ANKRD62: variants seen among roughly 807,000 people sequenced by gnomAD.
ANKRD62 encodes ankyrin repeat domain-containing protein 62.
In ANKRD62, 61 loss-of-function variants were observed where a neutral mutation model predicts 98.8. The observed-to-expected ratio is 0.62, with a 90% CI of 0.50 to 0.76. The LOEUF is 0.76. Among genes scored for constraint, ANKRD62 ranks in the 30% least tolerant of loss-of-function variants. The pLI is 0.00. For synonymous variants in ANKRD62, 341 were observed against 367.9 expected (o/e 0.93, Z 0.84); for missense variants, 933 against 1,082.9 (o/e 0.86, Z 1.94).
chr18:12,155,374 A>G, the ANKRD62 span, among the ~76,000 whole-genome samples: 1 of 152,250 alleles, frequency 6.6e-6, no homozygotes, highest in Non-Finnish European at 1.5e-5. Flanking sequence ...AGGAGGCCAC[A>G]TCTTGGCTTT....
At chr18:12,099,567 A>T in intron 5 of ANKRD62, 48 bp from the exon 6 acceptor site, 1 of 1,190,400 alleles carries the variant, frequency 8.4e-7, no homozygotes, top group Non-Finnish European at 1.1e-6. Flanking sequence ...AAAGTTTTTC[A>T]TATCAGTATT....
At chr18:12,151,035 A>G in the ANKRD62 span, among the ~76,000 whole-genome samples, 237 of 152,352 alleles carry the variant, frequency 1.6e-3, 3 homozygotes, top group East Asian at 0.034. Flanking sequence ...GCTGTCTTCA[A>G]GAAACGTGTC....
At chr18:12,108,849 C>A (rs1178938499) in intron 8 of ANKRD62, among the ~76,000 whole-genome samples, 1 of 152,230 alleles carries the variant, frequency 6.6e-6, no homozygotes, top group African/African-American at 2.4e-5. Flanking sequence ...CTCTACTTGG[C>A]AGTCATTAAA....
the ANKRD62 span, among the ~76,000 whole-genome samples, chr18:12,154,038 T>A: frequency 6.6e-6 from 1 of 152,124 alleles, no homozygotes; most frequent in East Asian, 1.9e-4. Context: ...TCCCAGACAT[T>A]GGAATGGCCA....
chr18:12,106,055 G>T (rs577624617), intron 7 of ANKRD62, among the ~76,000 whole-genome samples: 1 of 152,280 alleles, frequency 6.6e-6, no homozygotes, highest in African/African-American at 2.4e-5. Flanking sequence ...AAAGGAATCT[G>T]TATGTTGTGC....
chr18:12,096,678 C>T (rs920829056), intron 4 of ANKRD62, among the ~76,000 whole-genome samples: 1 of 152,104 alleles, frequency 6.6e-6, no homozygotes, highest in Non-Finnish European at 1.5e-5. Flanking sequence ...TAGTTTCAAC[C>T]TCTGCTTCTT....
At chr18:12,160,964 G>T in the ANKRD62 span, among the ~76,000 whole-genome samples, 1 of 152,126 alleles carries the variant, frequency 6.6e-6, no homozygotes, top group Non-Finnish European at 1.5e-5. Context: ...ATTATGATAT[G>T]TCTGTGGCTG....
At chr18:12,095,951 G>A (rs1986750) in intron 3 of ANKRD62, among the ~76,000 whole-genome samples, 90,408 of 151,964 alleles carry the variant, frequency 0.59, 27,431 homozygotes, top group Middle Eastern at 0.76. Flanking sequence ...GCTGTGCAGC[G>A]GTTATCCCTT....
At chr18:12,104,849 T>C (rs1164038812) in intron 7 of ANKRD62, among the ~76,000 whole-genome samples, 1 of 152,192 alleles carries the variant, frequency 6.6e-6, no homozygotes, top group African/African-American at 2.4e-5. Flanking sequence ...CCTCCAGAAT[T>C]TGCTTGCCAG....
the ANKRD62 span, among the ~76,000 whole-genome samples, chr18:12,160,300 G>C: frequency 6.6e-6 from 1 of 152,298 alleles, no homozygotes; most frequent in Admixed American, 6.5e-5. Context: ...GTGTGTGTGT[G>C]CATGTACATG....
Position 12,115,439 on chromosome 18 carries a change from G to A in ANKRD62, c.1145G>A (p.Gly382Glu). The A allele has an allele frequency of 6.5e-7, 1 of 1,536,794 alleles. No individual in the cohort carries two copies. The highest frequency in any genetic ancestry group is 8.7e-7 in the Non-Finnish European group (1 of 1,146,432). ...ACGGATGACCTTAATGACATAAGTGGGTCATCTGAAAAAACCTCAGAGGAT... is the reference window on the plus strand; with the variant it reads ...ACGGATGACCTTAATGACATAAGTGAGTCATCTGAAAAAACCTCAGAGGAT... ...YFTDDLNDISGSSEKTSEDDE... is the reference protein window; with the variant it reads ...YFTDDLNDISESSEKTSEDDE... Residue 382 changes from glycine (G) to glutamate (E), a missense_variant, in exon 10 of 14, where the codon GGG (glycine) becomes GAG (glutamate). This residue lies in a region of ANKRD62 where 549 missense variants were observed against 587.9 expected (regional missense o/e 0.93). Transcript: ENST00000587848.
chr18:12,121,509 C>G (rs1447742597), intron 10 of ANKRD62, among the ~76,000 whole-genome samples: 2 of 152,210 alleles, frequency 1.3e-5, no homozygotes, highest in African/African-American at 2.4e-5. Flanking sequence ...CCACTAAATA[C>G]TTTAGAGGGG....
Sources: allele counts gnomAD v4.1 joint callset (sites outside exome capture counted in the v4.1 genomes callset), GRCh38; gene constraint gnomAD v4.1.1; regional missense constraint gnomAD v4.1.1; transcripts MANE v1.5; gene names NCBI Gene and HGNC (gene_info 2026-07-23, HGNC 2026-07-21).